Variants in GLRX3 observed in about 807,000 individuals in gnomAD.
The protein encoded by GLRX3 is glutaredoxin 3.
In GLRX3, 22 loss-of-function variants were observed where a neutral mutation model predicts 49.5. That is an observed-to-expected ratio of 0.44 (90% CI 0.32 to 0.63). The LOEUF is 0.63. GLRX3 is among the 30% of genes least tolerant of loss of function. The pLI, the probability that GLRX3 is intolerant of heterozygous loss-of-function variation, is 0.05. For synonymous variants in GLRX3, 133 were observed against 140.0 expected (o/e 0.95, Z 0.35); for missense variants, 385 against 396.3 (o/e 0.97, Z 0.24).
chr10:130,139,256 T>G (rs988797330), intron 1 of GLRX3, among the ~76,000 whole-genome samples: 1 of 152,130 alleles, frequency 6.6e-6, no homozygotes, highest in Admixed American at 6.5e-5. Flanking sequence ...CTTTCCTTAG[T>G]GACTAGTTCA....
intron 4 of GLRX3, among the ~76,000 whole-genome samples, chr10:130,163,035 A>C (rs190070362): frequency 6.6e-6 from 1 of 152,298 alleles, no homozygotes; most frequent in Admixed American, 6.5e-5. Flanking sequence ...TACTGCTAGC[A>C]TTTTTATATT....
At chr10:130,144,286 CTTT>C (rs111691897) in intron 1 of GLRX3, among the ~76,000 whole-genome samples, 3 of 116,232 alleles carry the variant, frequency 2.6e-5, no homozygotes, top group African/African-American at 3.2e-5. Context: ...ATTTGCCTGG[CTTT>C]TTTTTTTTTT....
chr10:130,171,605 A>G lies in GLRX3; in HGVS notation c.793A>G (p.Lys265Glu). 1 of 1,559,612 alleles carries G rather than the reference A, an allele frequency of 6.4e-7. No homozygotes were observed. Among genetic ancestry groups the G allele is most frequent in the Admixed American group, 1.7e-5 (1 of 59,952 alleles). ...NKQEAKCGFS[K>E]QILEILNSTG... is the part of the protein sequence containing the mutation. ...TTAGGAAGCAAAATGTGGATTCAGC[A>G]AACAAATTCTGGAAATACTAAATAG... Residue 265 changes from lysine (K) to glutamate (E), a missense_variant, in exon 8 of 11, where the codon AAA becomes GAA. By Grantham distance (56) the Lys-to-Glu change is moderately conservative. Coordinates refer to ENST00000331244, the MANE Select transcript of GLRX3 (RefSeq NM_006541.5).
At chr10:130,178,797 G>A (rs142514286) in intron 10 of GLRX3, among the ~76,000 whole-genome samples, 8 of 152,170 alleles carry the variant, frequency 5.3e-5, no homozygotes, top group African/African-American at 1.9e-4. Flanking sequence ...CCACCTCCCG[G>A]GTTCAGGAGA....
chr10:130,156,492 T>C (rs560754154), intron 2 of GLRX3, among the ~76,000 whole-genome samples: 7 of 152,236 alleles, frequency 4.6e-5, no homozygotes, highest in African/African-American at 1.7e-4. Context: ...TTCCAGTTTC[T>C]TCTGTAAAAT....
intron 10 of GLRX3, among the ~76,000 whole-genome samples, chr10:130,176,363 G>T (rs1441067329): frequency 6.6e-6 from 1 of 152,046 alleles, no homozygotes. Flanking sequence ...CAGGTGATCC[G>T]CCCACCTTGG....
intron 8 of GLRX3, among the ~76,000 whole-genome samples, chr10:130,172,546 CTG>C (rs1862832695): frequency 6.6e-6 from 1 of 152,232 alleles, no homozygotes; most frequent in Admixed American, 6.5e-5. Flanking sequence ...TGTATTCTAA[CTG>C]TAGCTTCAAA....
At chr10:130,166,882 AT>A in intron 5 of GLRX3, 36 bp from the exon 6 acceptor site, 9 of 1,339,156 alleles carry the variant, frequency 6.7e-6, no homozygotes, top group Middle Eastern at 3.7e-4. Context: ...TGTTATAATA[AT>A]TTTTTTCATA....
At chr10:130,161,926 A>G (rs2134904668) in intron 4 of GLRX3, among the ~76,000 whole-genome samples, 1 of 152,340 alleles carries the variant, frequency 6.6e-6, no homozygotes, top group East Asian at 1.9e-4. Context: ...GGGTTATTAA[A>G]TTACATATTA....
intron 2 of GLRX3, among the ~76,000 whole-genome samples, chr10:130,149,769 T>C (rs1862336552): frequency 6.9e-6 from 1 of 145,874 alleles, no homozygotes; most frequent in Admixed American, 6.9e-5. Context: ...AGCTATTTTT[T>C]CCTGTAGCTT....
Position 130,137,163 on chromosome 10 carries a change from A to G in GLRX3, c.92+651A>G, listed in dbSNP as rs973903436. ...ACTTAACCTGTTGCCGGAGACAGAG[A>G]TTTCCTGTTCCATGAACTGGTGTAG... On this transcript the variant is annotated intron_variant, in intron 1 of 10. Coordinates refer to ENST00000331244, the MANE Select transcript of GLRX3 (RefSeq NM_006541.5). 5.3e-5 allele frequency among the ~76,000 whole-genome samples: 8 copies of G among 152,180 alleles called. No homozygotes were observed. In the South Asian group the frequency reaches 8.3e-4, roughly 16 times the overall value.
At position 130,162,857 on chromosome 10, in the gene GLRX3, G is replaced by A. The variant is rs116650281; in HGVS notation, c.478+1860G>A. Among the ~76,000 whole-genome samples, 1,169 of 152,218 alleles carry A rather than the reference G, an allele frequency of 7.7e-3. 19 individuals are homozygous for A. Among genetic ancestry groups the A allele is most frequent in the African/African-American group, 0.026 (1,074 of 41,516 alleles). ...GGGACAAGTCAGGTACCCTCCTTGTGCCTTTAATTCCTTCTAGTGCTGTTG... is the reference window on the plus strand; with the variant it reads ...GGGACAAGTCAGGTACCCTCCTTGTACCTTTAATTCCTTCTAGTGCTGTTG... On this transcript the variant is annotated intron_variant, in intron 4 of 10. Transcript: ENST00000331244.
intron 1 of GLRX3, among the ~76,000 whole-genome samples, chr10:130,140,965 T>A (rs1862161384): frequency 6.6e-6 from 1 of 152,160 alleles, no homozygotes; most frequent in African/African-American, 2.4e-5. Flanking sequence ...TTCTGAAAGG[T>A]CCCAATTTAA....
intron 1 of GLRX3, among the ~76,000 whole-genome samples, chr10:130,142,120 G>T (rs1327715082): frequency 6.6e-6 from 1 of 152,128 alleles, no homozygotes; most frequent in Non-Finnish European, 1.5e-5. Context: ...GTGACTAGGG[G>T]CTCCTACAAT....
intron 4 of GLRX3, among the ~76,000 whole-genome samples, chr10:130,162,367 A>T (rs111431983): frequency 6.6e-6 from 1 of 152,226 alleles, no homozygotes; most frequent in Admixed American, 6.5e-5. Context: ...TGTGTATTGC[A>T]AAGCTAACTT....
intron 2 of GLRX3, among the ~76,000 whole-genome samples, chr10:130,147,955 G>A (rs1268907263): frequency 1.3e-5 from 2 of 152,170 alleles, no homozygotes; most frequent in African/African-American, 2.4e-5. Flanking sequence ...TAAAGCAGAG[G>A]ATTCCTTGAG....
chr10:130,171,835 A>G (rs1590073051), intron 8 of GLRX3, among the ~76,000 whole-genome samples, 199 bp downstream of exon 8: 1 of 152,110 alleles, frequency 6.6e-6, no homozygotes, highest in Admixed American at 6.6e-5. Context: ...GCATGGTCAC[A>G]TACATCTATG....
intron 2 of GLRX3, among the ~76,000 whole-genome samples, chr10:130,147,252 T>A (rs924893573): frequency 2.6e-5 from 4 of 152,244 alleles, no homozygotes; most frequent in Admixed American, 2.6e-4. Flanking sequence ...GTGAAATGAA[T>A]GATTAAACAT....
Position 130,169,458 on chromosome 10 carries a change from T to C in GLRX3, c.739T>C (p.Ser247Pro), listed in dbSNP as rs1423362366. Reference sequence around the variant, plus strand: ...GCTCAAAGTGCTGACAAATAAAGCTTCTGTGATGCTCTTTATGAAAGGAAA... The same window carrying C: ...GCTCAAAGTGCTGACAAATAAAGCTCCTGTGATGCTCTTTATGAAAGGAAA... ...ERLKVLTNKA[S>P]VMLFMKGNKQ... The change falls in exon 7 of 11, where the codon TCT (serine) becomes CCT (proline). Residue 247 changes from serine to proline, a missense_variant. By Grantham distance (74) the Ser-to-Pro change is moderately conservative (BLOSUM62 -1). Coordinates refer to ENST00000331244, the MANE Select transcript of GLRX3 (RefSeq NM_006541.5). The C allele has an allele frequency of 6.2e-7, 1 of 1,611,694 alleles. No homozygotes were observed. Among genetic ancestry groups the C allele is most frequent in the African/African-American group, 1.3e-5 (1 of 75,028 alleles).
Sources: gnomAD v4.1 joint callset for allele counts (sites outside exome capture counted in the v4.1 genomes callset) on GRCh38, gnomAD v4.1.1 for gene constraint, MANE v1.5 for transcripts, NCBI Gene and HGNC (gene_info 2026-07-23, HGNC 2026-07-21) for gene names.